The following KLHL8 variants were observed in gnomAD, a reference collection of about 807,000 sequenced individuals.
The protein encoded by KLHL8 is kelch like family member 8.
In KLHL8, 38 loss-of-function variants were observed where a neutral mutation model predicts 63.5. The ratio of observed to expected loss-of-function variants is 0.60; its 90% CI spans 0.46 to 0.78. The LOEUF (loss-of-function observed/expected upper bound fraction) is 0.78. KLHL8 is among the 30% of genes least tolerant of loss of function. KLHL8 has a pLI of 0.00. For synonymous variants in KLHL8, 224 were observed against 254.3 expected (o/e 0.88, Z 1.13); for missense variants, 566 against 752.4 (o/e 0.75, Z 2.90).
intron 7 of KLHL8, 46 bp downstream of exon 7, chr4:87,170,401 G>C: frequency 6.5e-7 from 1 of 1,544,058 alleles, no homozygotes; most frequent in Non-Finnish European, 8.7e-7. Context: ...TTTTGGTTAT[G>C]AATGTAATGC....
At chr4:87,200,338 C>T (rs79832645) in intron 1 of KLHL8, among the ~76,000 whole-genome samples, 2,204 of 152,104 alleles carry the variant, frequency 0.014, 55 homozygotes, top group African/African-American at 0.051. Flanking sequence ...TTGCATATAA[C>T]CTATGTACAT....
At chr4:87,165,013 G>A (rs1011939361) in intron 8 of KLHL8, among the ~76,000 whole-genome samples, 23 of 151,884 alleles carry the variant, frequency 1.5e-4, no homozygotes, top group Admixed American at 1.1e-3. Context: ...GCTGGGCATG[G>A]TGGCGGGCGC....
intron 1 of KLHL8, among the ~76,000 whole-genome samples, chr4:87,231,818 G>A (rs549471888): frequency 2.6e-5 from 4 of 151,936 alleles, no homozygotes; most frequent in Non-Finnish European, 1.5e-5. Context: ...GGCTGGTCTC[G>A]AACTCCTGAC....
chr4:87,179,097 T>C (rs953934037), intron 4 of KLHL8, among the ~76,000 whole-genome samples: 2 of 152,168 alleles, frequency 1.3e-5, no homozygotes, highest in Admixed American at 1.3e-4. Flanking sequence ...GAAAAGTTCA[T>C]CCCTTTGTTT....
At chr4:87,180,842 A>T (rs1731021920) in intron 4 of KLHL8, among the ~76,000 whole-genome samples, 1 of 152,110 alleles carries the variant, frequency 6.6e-6, no homozygotes, top group African/African-American at 2.4e-5. Flanking sequence ...CAGGCATTTG[A>T]GACCAGCATG....
rs1330536157 is a variant in KLHL8 at position 87,163,518 on chromosome 4, A to G, written c.*1T>C. On this transcript the variant is annotated 3_prime_UTR_variant, in exon 10 of 10. Transcript: ENST00000273963. The stretch of plus-strand genomic sequence containing the variant: ...TAAATTGTTGGTGGCCAGAACTCAA[A>G]TCACATACAGTCAACCACATTATTG... 6.2e-7 allele frequency: 1 copy of G among 1,613,868 alleles called. No homozygotes were observed. Among genetic ancestry groups the G allele is most frequent in the African/African-American group, 1.3e-5 (1 of 74,924 alleles).
In KLHL8 at chr4:87,206,842, C is replaced by CTT. The variant is rs1370868631; in HGVS notation, c.-151-11154_-151-11153dup. ...ACGCTGTATTTCTCCAACTCGTTCA[C>CTT]TTTTTTTCTTTTGTATTTTAGACTT... On this transcript the variant is annotated intron_variant, in intron 1 of 9. Coordinates refer to ENST00000273963, the MANE Select transcript of KLHL8 (RefSeq NM_020803.5). Among the ~76,000 whole-genome samples the CTT allele has an allele frequency of 3.3e-5, 5 of 152,252 alleles. No homozygotes were observed. In the East Asian group the frequency reaches 9.6e-4, roughly 29 times the overall value.
rs902167841 is a variant in KLHL8 at position 87,195,595 on chromosome 4, T to G, written c.-56A>C. Reference sequence around the variant, plus strand: ...TTCTCAAACATGCCATTTATTTTTTTTCAAAGGGTAGAGAGAAGGCAGAAG... The same window carrying G: ...TTCTCAAACATGCCATTTATTTTTTGTCAAAGGGTAGAGAGAAGGCAGAAG... On this transcript the variant is annotated 5_prime_UTR_variant, in exon 2 of 10. Transcript: ENST00000273963. The G allele has an allele frequency of 6.7e-7, 1 of 1,483,358 alleles. No homozygotes were observed. The highest frequency in any genetic ancestry group is 2.3e-5 in the East Asian group (1 of 44,226). The allele number at this position is 1,483,358 out of a possible 1,614,324, so 91.9% of individuals were successfully genotyped here.
chr4:87,233,417 A>G (rs1338754787), intron 1 of KLHL8, among the ~76,000 whole-genome samples: 1 of 152,042 alleles, frequency 6.6e-6, no homozygotes, highest in African/African-American at 2.4e-5. Flanking sequence ...GTGAAACCCC[A>G]ACAAAAATTA....
intron 1 of KLHL8, among the ~76,000 whole-genome samples, 159 bp from the exon 2 acceptor site, chr4:87,195,849 T>C (rs1731675630): frequency 6.6e-6 from 1 of 152,234 alleles, no homozygotes; most frequent in African/African-American, 2.4e-5. Flanking sequence ...TAATTCACTT[T>C]TGCTAATTAT....
intron 1 of KLHL8, among the ~76,000 whole-genome samples, chr4:87,204,226 C>T (rs888817386): frequency 6.6e-6 from 1 of 152,094 alleles, no homozygotes; most frequent in Non-Finnish European, 1.5e-5. Context: ...CTGCCACATC[C>T]CCATACACAC....
chr4:87,175,374 C>T (rs1730783290), intron 6 of KLHL8, among the ~76,000 whole-genome samples: 1 of 151,750 alleles, frequency 6.6e-6, no homozygotes, highest in Non-Finnish European at 1.5e-5. Flanking sequence ...TTTTCCTTTC[C>T]TTTTTTTTAA....
chr4:87,208,185 C>A (rs1211148371), intron 1 of KLHL8: 4 of 346,366 alleles, frequency 1.2e-5, no homozygotes, highest in South Asian at 2.3e-5. Flanking sequence ...CCCCACTACA[C>A]TGAGAATCTC....
At chr4:87,177,361 C>G (rs1350770337) in intron 5 of KLHL8, among the ~76,000 whole-genome samples, 2 of 151,768 alleles carry the variant, frequency 1.3e-5, no homozygotes, top group East Asian at 3.9e-4. Flanking sequence ...CAAAATATTA[C>G]CCGGGTGTGG....
At chr4:87,178,680 A>G (rs1428991830) in intron 4 of KLHL8, 60 bp from the exon 5 acceptor site, 1 of 1,459,754 alleles carries the variant, frequency 6.9e-7, no homozygotes. Flanking sequence ...AAAAATTAGA[A>G]AGCCAAAACT....
At chr4:87,165,106 T>C (rs537106560) in intron 8 of KLHL8, among the ~76,000 whole-genome samples, 104 of 131,838 alleles carry the variant, frequency 7.9e-4, no homozygotes, top group Admixed American at 1.4e-3. Flanking sequence ...GCCGAGATTG[T>C]GCCACTGCAC....
At chr4:87,194,165 G>A (rs980821667) in intron 2 of KLHL8, among the ~76,000 whole-genome samples, 4 of 152,170 alleles carry the variant, frequency 2.6e-5, no homozygotes, top group Non-Finnish European at 5.9e-5. Flanking sequence ...AGGGCTCTGT[G>A]CTCATGAATG....
chr4:87,187,235 ATTG>A (rs1007133788), intron 2 of KLHL8, among the ~76,000 whole-genome samples: 2 of 151,822 alleles, frequency 1.3e-5, no homozygotes, highest in African/African-American at 4.8e-5. Context: ...GAGTGTTGTT[ATTG>A]TTGTTGTTGT....
chr4:87,166,288 G>C (rs967552), intron 8 of KLHL8, among the ~76,000 whole-genome samples: 24,001 of 152,180 alleles, frequency 0.16, 2,283 homozygotes, highest in South Asian at 0.24. Flanking sequence ...CATTACTTCT[G>C]CTACTTATAA....
Sources: gnomAD v4.1 joint callset for allele counts (sites outside exome capture counted in the v4.1 genomes callset) on GRCh38, gnomAD v4.1.1 for gene constraint, MANE v1.5 for transcripts, NCBI Gene and HGNC (gene_info 2026-07-23, HGNC 2026-07-21) for gene names.